The following RNF38 variants were observed in gnomAD, a reference collection of about 807,000 sequenced individuals.
The protein encoded by RNF38 is ring finger protein 38, also known as E3 ubiquitin-protein ligase RNF38.
A neutral mutation model predicts 67.2 loss-of-function variants in RNF38; 15 were observed. That is an observed-to-expected ratio of 0.22 (90% CI 0.15 to 0.34). The LOEUF (loss-of-function observed/expected upper bound fraction) is 0.34. Ranked by LOEUF, RNF38 falls within the 10% of genes least tolerant of loss-of-function variation. RNF38 has a pLI of 1.00. For missense variants in RNF38, 524 were observed against 639.9 expected, an observed-to-expected ratio of 0.82 and a Z score of 1.95; for synonymous variants, 220 against 218.8, an observed-to-expected ratio of 1.01 and a Z score of -0.05.
chr9:36,445,356 A>G lies in RNF38; in HGVS notation n.242-20673T>C, dbSNP rs548888124. 2.6e-5 allele frequency among the ~76,000 whole-genome samples: 4 copies of G among 152,278 alleles called. No homozygotes were observed. The South Asian group carries it at 6.2e-4, about 24-fold the overall frequency. On this transcript the variant is annotated intron_variant and non_coding_transcript_variant, in intron 1 of 3. Coordinates refer to the RNF38 transcript ENST00000488058. ...TAGATTTTGTGGCCAGGTGCCCCCA[A>G]TTTTGAGACATATGATTTCATGTTT...
chr9:36,399,767 A>T (rs1837852904), intron 1 of RNF38, among the ~76,000 whole-genome samples: 1 of 152,106 alleles, frequency 6.6e-6, no homozygotes, highest in Non-Finnish European at 1.5e-5. Context: ...CTGTCCCTAT[A>T]AAAGGGAATT....
intron 1 of RNF38, among the ~76,000 whole-genome samples, chr9:36,396,316 T>C (rs535899634): frequency 1.3e-5 from 2 of 152,286 alleles, no homozygotes; most frequent in South Asian, 4.1e-4. Context: ...AGGTTACCAT[T>C]AAATGAAGTC....
At chr9:36,357,114 C>T (rs1834186485) in intron 5 of RNF38, among the ~76,000 whole-genome samples, 1 of 152,096 alleles carries the variant, frequency 6.6e-6, no homozygotes, top group Non-Finnish European at 1.5e-5. Context: ...TTAGATACAT[C>T]ATTTAAATAC....
intron 6 of RNF38, among the ~76,000 whole-genome samples, chr9:36,355,752 G>A (rs1390945075): frequency 2.0e-5 from 3 of 152,118 alleles, no homozygotes; most frequent in Non-Finnish European, 4.4e-5. Flanking sequence ...AAAAATTTAA[G>A]AAACCAGAAA....
At chr9:36,371,365 C>A (rs537543456) in intron 3 of RNF38, among the ~76,000 whole-genome samples, 42 of 151,992 alleles carry the variant, frequency 2.8e-4, no homozygotes, top group African/African-American at 9.2e-4. Context: ...TTAATACAAT[C>A]CTTTTTGCAT....
intron 1 of RNF38, among the ~76,000 whole-genome samples, chr9:36,427,033 T>G (rs1021992623): frequency 2.6e-5 from 4 of 151,626 alleles, no homozygotes; most frequent in African/African-American, 9.8e-5. Flanking sequence ...TGTGAGACAC[T>G]GCCTAAGTCC....
intron 4 of RNF38, 143 bp from the exon 5 acceptor site, chr9:36,358,085 TATTC>T (rs1834261163): frequency 3.1e-6 from 2 of 646,972 alleles, no homozygotes; most frequent in Non-Finnish European, 5.3e-6. Flanking sequence ...TCGACCAGAA[TATTC>T]ATTGTCTTTG....
At chr9:36,435,459 TTTACTC>T (rs148349299) in intron 1 of RNF38, among the ~76,000 whole-genome samples, 284 of 152,178 alleles carry the variant, frequency 1.9e-3, no homozygotes, top group African/African-American at 6.5e-3. Context: ...TAAGTAGAAA[TTTACTC>T]TAATAATTTA....
intron 1 of RNF38, among the ~76,000 whole-genome samples, chr9:36,483,751 T>G (rs1840335707): frequency 6.6e-6 from 1 of 152,212 alleles, no homozygotes; most frequent in African/African-American, 2.4e-5. Context: ...CATAATGACA[T>G]GTTTACCTTT....
intron 8 of RNF38, among the ~76,000 whole-genome samples, chr9:36,352,080 A>T (rs1833734410): frequency 6.6e-6 from 1 of 152,174 alleles, no homozygotes; most frequent in Non-Finnish European, 1.5e-5. Context: ...TGGGCGGATC[A>T]CCTGAGGTCA....
chr9:36,478,160 C>G (rs902724083), intron 1 of RNF38, among the ~76,000 whole-genome samples: 1 of 151,928 alleles, frequency 6.6e-6, no homozygotes, highest in Admixed American at 6.6e-5. Context: ...TATTACCAGG[C>G]GTGGTAGCTC....
chr9:36,468,103 G>A (rs1475327916), intron 1 of RNF38, among the ~76,000 whole-genome samples: 1 of 152,192 alleles, frequency 6.6e-6, no homozygotes, highest in East Asian at 1.9e-4. Context: ...AAACTAGCCA[G>A]TTGTGGTGGC....
At chr9:36,366,685 A>G (rs921866816) in intron 4 of RNF38, among the ~76,000 whole-genome samples, 1 of 152,160 alleles carries the variant, frequency 6.6e-6, no homozygotes, top group African/African-American at 2.4e-5. Context: ...AGATGTGGTA[A>G]TAGTCAGCAT....
intron 4 of RNF38, among the ~76,000 whole-genome samples, chr9:36,361,718 G>C (rs1834549907): frequency 6.6e-6 from 1 of 152,154 alleles, no homozygotes; most frequent in Non-Finnish European, 1.5e-5. Flanking sequence ...AAAAGGTTCA[G>C]TGCCATCAAG....
At chr9:36,453,935 AAC>A (rs1285640850) in intron 1 of RNF38, among the ~76,000 whole-genome samples, 3 of 152,210 alleles carry the variant, frequency 2.0e-5, no homozygotes, top group African/African-American at 7.2e-5. Flanking sequence ...CATTCAAAAT[AAC>A]ACAAAGTAGG....
chr9:36,454,194 G>C (rs899345786), intron 1 of RNF38, among the ~76,000 whole-genome samples: 3 of 151,890 alleles, frequency 2.0e-5, no homozygotes, highest in Admixed American at 6.6e-5. Flanking sequence ...CGCAATCTCG[G>C]CTCACTGCAA....
intron 4 of RNF38, among the ~76,000 whole-genome samples, chr9:36,362,592 TCA>T (rs1834641221): frequency 6.6e-6 from 1 of 151,542 alleles, no homozygotes; most frequent in Admixed American, 6.6e-5. Context: ...CAAAATGATC[TCA>T]CAGCCACTCT....
At chr9:36,416,933 G>C (rs1273221798) in intron 2 of RNF38, among the ~76,000 whole-genome samples, 1 of 151,784 alleles carries the variant, frequency 6.6e-6, no homozygotes, top group African/African-American at 2.4e-5. Context: ...TGTATTTTTA[G>C]TAGAGATAGG....
rs149925788 is a variant in RNF38, at chr9:36,368,232, T to C, written c.570+1487A>G. Among the ~76,000 whole-genome samples the C allele has an allele frequency of 2.0e-5, 3 of 152,308 alleles. No homozygotes were observed. In the East Asian group the frequency reaches 5.8e-4, roughly 29 times the overall value. On this transcript the variant is annotated intron_variant, in intron 4 of 11. Transcript: ENST00000259605. ...GCCATGGCTACCGGTCTGCTCAGGATTTCTAATTCTTGTGTTGTTCTGGTT... is the reference window on the plus strand; with the variant it reads ...GCCATGGCTACCGGTCTGCTCAGGACTTCTAATTCTTGTGTTGTTCTGGTT...
Sources: allele counts gnomAD v4.1 joint callset (sites outside exome capture counted in the v4.1 genomes callset), GRCh38; gene constraint gnomAD v4.1.1; transcripts MANE v1.5; gene names NCBI Gene and HGNC (gene_info 2026-07-23, HGNC 2026-07-21).